Variants in KLF15 observed in about 807,000 individuals in gnomAD.
KLF15 encodes the protein Krueppel-like factor 15.
Under a neutral mutation model 24.6 loss-of-function variants are expected in KLF15, and 4 were observed. The ratio of observed to expected loss-of-function variants is 0.16; its 90% CI spans 0.08 to 0.37. KLF15 has a LOEUF of 0.37. Ranked by LOEUF, KLF15 falls within the 10% of genes least tolerant of loss-of-function variation. The pLI is 1.00. For synonymous variants in KLF15, 246 were observed against 236.3 expected, an observed-to-expected ratio of 1.04 and a Z score of -0.37; for missense variants, 496 against 560.6, an observed-to-expected ratio of 0.88 and a Z score of 1.16.
chr3:126,344,568 C>T (rs1005456263), intron 2 of KLF15, among the ~76,000 whole-genome samples: 2 of 152,170 alleles, frequency 1.3e-5, no homozygotes, highest in African/African-American at 4.8e-5. Flanking sequence ...TCGCTCAGGC[C>T]CTGATGCTGG....
the KLF15 span, among the ~76,000 whole-genome samples, chr3:126,309,570 A>G: frequency 2.0e-5 from 3 of 152,006 alleles, no homozygotes. Flanking sequence ...CGGCGCACAC[A>G]TGTGTTTCTG....
chr3:126,300,088 T>C, the KLF15 span, among the ~76,000 whole-genome samples: 1 of 151,114 alleles, frequency 6.6e-6, no homozygotes, highest in Non-Finnish European at 1.5e-5. Flanking sequence ...CACAGGGGGG[T>C]GAATCATCCT....
the KLF15 span, among the ~76,000 whole-genome samples, chr3:126,319,324 A>G: frequency 6.6e-6 from 1 of 152,222 alleles, no homozygotes; most frequent in African/African-American, 2.4e-5. Context: ...AAATTGCTGG[A>G]TCATATAAGA....
At chr3:126,350,007 G>A (rs1373789803) in intron 2 of KLF15, among the ~76,000 whole-genome samples, 1 of 152,192 alleles carries the variant, frequency 6.6e-6, no homozygotes, top group Non-Finnish European at 1.5e-5. Flanking sequence ...CGCCTGCCCT[G>A]GGCTGCAAAG....
At chr3:126,306,113 C>T in the KLF15 span, among the ~76,000 whole-genome samples, 7 of 152,234 alleles carry the variant, frequency 4.6e-5, no homozygotes, top group Middle Eastern at 3.4e-3. Flanking sequence ...CTCAGTTTTC[C>T]GAAGGAACTT....
rs2082507676 is a variant in KLF15, at chr3:126,343,910, G to A, written c.1083-15C>T. The A allele has an allele frequency of 1.9e-6, 3 of 1,566,972 alleles. No individual in the cohort carries two copies. In the East Asian group the frequency reaches 6.9e-5, roughly 36 times the overall value. On this transcript the variant is annotated splice_polypyrimidine_tract_variant and intron_variant, in intron 2 of 2. Coordinates refer to ENST00000296233, the MANE Select transcript of KLF15 (RefSeq NM_014079.4). ...AGCGCGAGAACCTGCGGGACATGGC[G>A]CGGTCAGCGAGGCCTGGCCCTGCCT...
the KLF15 span, among the ~76,000 whole-genome samples, chr3:126,337,520 T>C: frequency 3.4e-5 from 5 of 148,984 alleles, no homozygotes; most frequent in Non-Finnish European, 7.4e-5. Context: ...GGCACATGTA[T>C]ACATATGTAA....
At chr3:126,334,033 G>T in the KLF15 span, among the ~76,000 whole-genome samples, 1 of 152,110 alleles carries the variant, frequency 6.6e-6, no homozygotes, top group Non-Finnish European at 1.5e-5. Context: ...AGTCAACAGG[G>T]ATACCCAGGA....
At chr3:126,304,630 G>A in the KLF15 span, among the ~76,000 whole-genome samples, 1 of 152,176 alleles carries the variant, frequency 6.6e-6, no homozygotes, top group South Asian at 2.1e-4. Context: ...TCCCTCATTC[G>A]ATTTCATCAT....
chr3:126,300,379 A>G, the KLF15 span, among the ~76,000 whole-genome samples: 2 of 152,142 alleles, frequency 1.3e-5, no homozygotes, highest in African/African-American at 4.8e-5. Flanking sequence ...TGCCCTGTGC[A>G]GCGCGTCCTC....
chr3:126,352,977 C>G, intron 1 of KLF15, 30 bp from the exon 2 acceptor site: 3 of 1,550,264 alleles, frequency 1.9e-6, no homozygotes, highest in Non-Finnish European at 8.7e-7. Flanking sequence ...GAGGCCTGGT[C>G]AGAAGGACAG....
chr3:126,341,015 G>A (rs756663287), downstream of KLF15, among the ~76,000 whole-genome samples: 140 of 152,194 alleles, frequency 9.2e-4, no homozygotes, highest in Non-Finnish European at 1.7e-3. Context: ...TCTGCAGGGC[G>A]AAGGAGCTGA....
chr3:126,347,510 AC>A (rs2082545010), intron 2 of KLF15, among the ~76,000 whole-genome samples: 1 of 152,028 alleles, frequency 6.6e-6, no homozygotes, highest in African/African-American at 2.4e-5. Flanking sequence ...AAAAGTACCC[AC>A]CCTACAGGCT....
the KLF15 span, among the ~76,000 whole-genome samples, chr3:126,328,124 C>T: frequency 6.7e-6 from 1 of 148,966 alleles, no homozygotes; most frequent in Non-Finnish European, 1.5e-5. Context: ...TTGTATCATT[C>T]TTATGCCTTT....
rs1160278685 is a variant in KLF15, at chr3:126,356,881, G to T, written c.-26+356C>A. On this transcript the variant is annotated intron_variant, in intron 1 of 2. Coordinates refer to ENST00000296233, the MANE Select transcript of KLF15 (RefSeq NM_014079.4). The surrounding 1 kb of genome is among the most constrained non-coding windows in gnomAD (Gnocchi z 4.4). ...CCCTCCGCCCCCCAACCCCGGGCTGGCCAGCGCGTCCGCTCTCCCCCTCCT... is the reference window on the plus strand; with the variant it reads ...CCCTCCGCCCCCCAACCCCGGGCTGTCCAGCGCGTCCGCTCTCCCCCTCCT... 1.3e-5 allele frequency among the ~76,000 whole-genome samples: 2 copies of T among 151,776 alleles called. No homozygotes were observed. Among genetic ancestry groups the T allele is most frequent in the Non-Finnish European group, 2.9e-5 (2 of 67,886 alleles).
At chr3:126,344,790 A>G (rs1272051253) in intron 2 of KLF15, among the ~76,000 whole-genome samples, 1 of 152,214 alleles carries the variant, frequency 6.6e-6, no homozygotes, top group Non-Finnish European at 1.5e-5. Context: ...GCCCAAATAA[A>G]GATTGACCCT....
At chr3:126,292,889 G>A in the KLF15 span, among the ~76,000 whole-genome samples, 2 of 152,114 alleles carry the variant, frequency 1.3e-5, no homozygotes, top group South Asian at 4.1e-4. Flanking sequence ...TCTGATGGAG[G>A]TTTAAAAGGC....
chr3:126,290,849 G>C, the KLF15 span: 20 of 152,312 alleles, frequency 1.3e-4, no homozygotes, highest in Non-Finnish European at 2.8e-4. Context: ...ATTTGACGGA[G>C]TTACTTCAAA....
the KLF15 span, among the ~76,000 whole-genome samples, chr3:126,315,427 G>T: frequency 6.6e-6 from 1 of 152,154 alleles, no homozygotes; most frequent in Admixed American, 6.5e-5. Context: ...TGTGCTGCAT[G>T]GTCCACCCCA....
Sources: allele counts gnomAD v4.1 joint callset (sites outside exome capture counted in the v4.1 genomes callset), GRCh38; gene constraint gnomAD v4.1.1; non-coding constraint Gnocchi (gnomAD v3.1); transcripts MANE v1.5; gene names NCBI Gene and HGNC (gene_info 2026-07-23, HGNC 2026-07-21).